TMEM33: variants seen among roughly 807,000 people sequenced by gnomAD.
TMEM33 encodes transmembrane protein 33.
Under a neutral mutation model 29.7 loss-of-function variants are expected in TMEM33, and 16 were observed. That is an observed-to-expected ratio of 0.54 (90% CI 0.36 to 0.82). The LOEUF (loss-of-function observed/expected upper bound fraction) is 0.82. Ranked by LOEUF, TMEM33 falls within the 40% of genes least tolerant of loss-of-function variation. The pLI, the probability that TMEM33 is intolerant of heterozygous loss-of-function variation, is 0.00. For missense variants in TMEM33, 252 were observed against 295.3 expected (o/e 0.85, Z 1.08); for synonymous variants, 112 against 109.4 (o/e 1.02, Z -0.15).
chr4:41,953,249 G>A (rs868558685), intron 6 of TMEM33, among the ~76,000 whole-genome samples: 4 of 152,268 alleles, frequency 2.6e-5, no homozygotes, highest in African/African-American at 4.8e-5. Context: ...TAGCATTAGA[G>A]GCATACTTCA....
At chr4:41,952,693 G>A (rs1713093981) in intron 6 of TMEM33, among the ~76,000 whole-genome samples, 1 of 152,082 alleles carries the variant, frequency 6.6e-6, no homozygotes, top group African/African-American at 2.4e-5. Context: ...GATTGTGGAG[G>A]GTATTGGGTG....
chr4:41,954,040 T>G (rs1713154949), intron 6 of TMEM33, 30 bp from the exon 7 acceptor site: 1 of 1,609,486 alleles, frequency 6.2e-7, no homozygotes, highest in Admixed American at 1.7e-5. Flanking sequence ...TTTCCTTGTG[T>G]TTCTCAAAGA....
intron 1 of TMEM33, among the ~76,000 whole-genome samples, chr4:41,936,404 G>T (rs1712235197): frequency 1.3e-5 from 2 of 152,196 alleles, no homozygotes; most frequent in Non-Finnish European, 1.5e-5. Context: ...TAGGCGGGGC[G>T]TGGTGGCTCA....
At position 41,959,865 on chromosome 4, in the gene TMEM33, A is replaced by C. The variant is rs1417434031; in HGVS notation, c.*5666A>C. On this transcript the variant is annotated 3_prime_UTR_variant, in exon 7 of 7. Transcript: ENST00000504986. The stretch of plus-strand genomic sequence containing the variant: ...GGCATTACTTTTGGTGCTTTATATA[A>C]TGGCATATATTGAACTAAAAATTTG... The C allele has an allele frequency of 6.6e-6, 1 of 152,196 alleles. No homozygotes were observed. The highest frequency in any genetic ancestry group is 2.4e-5 in the African/African-American group (1 of 41,460). The allele number at this position is 152,196 out of a possible 1,614,324, so 9.4% of individuals were successfully genotyped here. A position where few individuals can be genotyped will look rare whatever the true frequency, so the allele number is the denominator to read the frequency against.
intron 5 of TMEM33, among the ~76,000 whole-genome samples, chr4:41,946,921 T>C (rs1712820504): frequency 1.3e-5 from 2 of 152,116 alleles, no homozygotes; most frequent in Admixed American, 6.5e-5. Flanking sequence ...ATTTGTTTCA[T>C]GTAACTAGAT....
At chr4:41,948,026 G>A (rs1300332996) in intron 5 of TMEM33, among the ~76,000 whole-genome samples, 1 of 152,164 alleles carries the variant, frequency 6.6e-6, no homozygotes, top group Non-Finnish European at 1.5e-5. Flanking sequence ...GGTAATTTAT[G>A]TGTTGTGATA....
At chr4:41,938,240 A>G (rs982103976) in intron 1 of TMEM33, among the ~76,000 whole-genome samples, 2 of 152,250 alleles carry the variant, frequency 1.3e-5, no homozygotes, top group African/African-American at 2.4e-5. Flanking sequence ...TTCTTTTAAA[A>G]TAGATGAAGC....
upstream of TMEM33, chr4:41,935,169 G>A (rs1712152018): frequency 4.2e-6 from 2 of 474,490 alleles, no homozygotes; most frequent in Non-Finnish European, 7.6e-6. Context: ...TGGAGCCGGC[G>A]GCGTAGGTTG....
rs778883302 is a variant in TMEM33, at chr4:41,943,866, A to C, written c.396+52A>C. 4.5e-6 allele frequency: 7 copies of C among 1,541,594 alleles called. No homozygotes were observed. In the Admixed American group the frequency reaches 1.2e-4, roughly 26 times the overall value. On this transcript the variant is annotated intron_variant, in intron 4 of 6. Transcript: ENST00000504986. ...TTCTGAATTACAGATCATTGACATG[A>C]ATTTGAGTTCTAAGACATTTTGGTA...
chr4:41,951,965 A>G (rs1713055803), intron 6 of TMEM33, among the ~76,000 whole-genome samples: 1 of 152,184 alleles, frequency 6.6e-6, no homozygotes, highest in South Asian at 2.1e-4. Flanking sequence ...AGAGGCTGGG[A>G]ACCCCCATGA....
Position 41,957,985 on chromosome 4 carries a change from G to GA in TMEM33, c.*3796dup, listed in dbSNP as rs896044757. Reference sequence around the variant, plus strand: ...TTTAAATATGTAATCATTCAAGATTGAAAAAAAAAATTAAGCATTTTTTGT... The same window carrying GA: ...TTTAAATATGTAATCATTCAAGATTGAAAAAAAAAAATTAAGCATTTTTTGT... On this transcript the variant is annotated 3_prime_UTR_variant, in exon 7 of 7. Coordinates refer to ENST00000504986, the MANE Select transcript of TMEM33 (RefSeq NM_018126.3). 3.0e-4 allele frequency: 45 copies of GA among 150,244 alleles called. No individual in the cohort carries two copies. The highest frequency in any genetic ancestry group is 1.1e-3 in the Admixed American group (17 of 15,040). The allele number at this position is 150,244 out of a possible 1,614,324, so 9.3% of individuals were successfully genotyped here.
intron 6 of TMEM33, chr4:41,953,808 G>A (rs1040296454): frequency 1.2e-5 from 6 of 495,868 alleles, no homozygotes; most frequent in East Asian, 1.1e-4. Context: ...AGAGATCACC[G>A]TAACAGAACA....
At chr4:41,950,788 C>G (rs1713005641) in intron 6 of TMEM33, among the ~76,000 whole-genome samples, 1 of 152,048 alleles carries the variant, frequency 6.6e-6, no homozygotes, top group Non-Finnish European at 1.5e-5. Context: ...TTTTAATCAG[C>G]ATATTTGTTT....
intron 4 of TMEM33, 75 bp from the exon 5 acceptor site, chr4:41,944,718 G>C: frequency 1.3e-6 from 2 of 1,547,504 alleles, no homozygotes; most frequent in Non-Finnish European, 8.8e-7. Flanking sequence ...TGGATAGGCT[G>C]TTTACCTACA....
In TMEM33 at chr4:41,958,085, C is replaced by T. The variant is rs997839501; in HGVS notation, c.*3886C>T. ...CTGGAGTGCAATGGCGCCATCTCAG[C>T]TCACTGCAACCTCTGCCTCCCGGAT... On this transcript the variant is annotated 3_prime_UTR_variant, in exon 7 of 7. Transcript: ENST00000504986. 5 of 152,354 alleles carry T rather than the reference C, an allele frequency of 3.3e-5. No homozygotes were observed. Among genetic ancestry groups the T allele is most frequent in the Non-Finnish European group, 7.3e-5 (5 of 68,230 alleles). The allele number at this position is 152,354 out of a possible 1,614,324, so 9.4% of individuals were successfully genotyped here.
chr4:41,953,981 T>A (rs567589384), intron 6 of TMEM33, 89 bp from the exon 7 acceptor site: 1 of 1,521,764 alleles, frequency 6.6e-7, no homozygotes, highest in African/African-American at 1.4e-5. Flanking sequence ...TTGTAAAAAA[T>A]GAAATATCTA....
At chr4:41,947,745 C>G (rs1171847498) in intron 5 of TMEM33, among the ~76,000 whole-genome samples, 1 of 152,152 alleles carries the variant, frequency 6.6e-6, no homozygotes, top group Non-Finnish European at 1.5e-5. Flanking sequence ...TCTTAATATG[C>G]TACCCTTTCT....
intron 3 of TMEM33, among the ~76,000 whole-genome samples, chr4:41,941,556 C>T (rs536675035): frequency 6.6e-6 from 1 of 152,338 alleles, no homozygotes; most frequent in Non-Finnish European, 1.5e-5. Flanking sequence ...CCAAATGAGA[C>T]TCATGACTGG....
chr4:41,946,612 A>G (rs1159116946), intron 5 of TMEM33, among the ~76,000 whole-genome samples: 4 of 152,218 alleles, frequency 2.6e-5, no homozygotes, highest in African/African-American at 9.6e-5. Flanking sequence ...AATTAACTCT[A>G]AAACCTTGAC....
Sources: gnomAD v4.1 joint callset for allele counts (sites outside exome capture counted in the v4.1 genomes callset) on GRCh38, gnomAD v4.1.1 for gene constraint, MANE v1.5 for transcripts, NCBI Gene and HGNC (gene_info 2026-07-23, HGNC 2026-07-21) for gene names.